The following SAMMSON variants were observed in gnomAD, a reference collection of about 807,000 sequenced individuals.
SAMMSON encodes the protein survival associated mitochondrial melanoma specific oncogenic non-coding RNA, also known as long intergenic non-protein coding RNA 1212.
intron 6 of SAMMSON, among the ~76,000 whole-genome samples, chr3:70,255,884 A>C (rs1701810703): frequency 6.6e-6 from 1 of 152,206 alleles, no homozygotes; most frequent in Non-Finnish European, 1.5e-5. Flanking sequence ...GTTTAGGTGC[A>C]AACTGTGTGG....
chr3:70,110,561 A>G (rs917950157), intron 4 of SAMMSON, among the ~76,000 whole-genome samples: 1 of 152,148 alleles, frequency 6.6e-6, no homozygotes, highest in African/African-American at 2.4e-5. Context: ...TCTCTTTCAG[A>G]GCTGCTATAT....
At chr3:70,268,206 C>T (rs905204305) in intron 6 of SAMMSON, among the ~76,000 whole-genome samples, 2 of 152,148 alleles carry the variant, frequency 1.3e-5, no homozygotes, top group Non-Finnish European at 2.9e-5. Flanking sequence ...CGCGGTAGCT[C>T]ACGCCTGTCA....
intron 4 of SAMMSON, chr3:70,120,311 G>GATT (rs1213845247): frequency 6.6e-6 from 1 of 152,246 alleles, no homozygotes; most frequent in Non-Finnish European, 1.5e-5. Context: ...GGCATTTGGT[G>GATT]ATTAGCATTT....
At chr3:70,111,489 T>C (rs1225006788) in intron 4 of SAMMSON, among the ~76,000 whole-genome samples, 5 of 152,058 alleles carry the variant, frequency 3.3e-5, no homozygotes, top group African/African-American at 1.2e-4. Context: ...CAGAATTGTT[T>C]CCATAATTCA....
intron 3 of SAMMSON, among the ~76,000 whole-genome samples, chr3:70,019,679 G>A (rs1278793116): frequency 1.3e-5 from 2 of 152,110 alleles, no homozygotes; most frequent in African/African-American, 2.4e-5. Flanking sequence ...TCCTAGCATC[G>A]ACGGTCTTTA....
intron 4 of SAMMSON, among the ~76,000 whole-genome samples, chr3:70,130,626 C>G (rs1559520254): frequency 1.3e-5 from 2 of 152,150 alleles, no homozygotes; most frequent in South Asian, 2.1e-4. Flanking sequence ...GCCCTCACTC[C>G]CTCTTGGGAT....
chr3:70,196,029 CT>C (rs1424110707), intron 4 of SAMMSON, among the ~76,000 whole-genome samples: 1 of 152,174 alleles, frequency 6.6e-6, no homozygotes, highest in Non-Finnish European at 1.5e-5. Context: ...ACCCTCAACG[CT>C]TATTTCTTTC....
chr3:70,375,997 G>A (rs547247031), intron 9 of SAMMSON, among the ~76,000 whole-genome samples: 9 of 152,062 alleles, frequency 5.9e-5, no homozygotes, highest in Admixed American at 2.0e-4. Flanking sequence ...TGTTGCTGTC[G>A]TATGATTTCT....
chr3:70,381,484 C>A lies in SAMMSON; in HGVS notation n.914-8090C>A, dbSNP rs111547013. Among the ~76,000 whole-genome samples, 67 of 152,242 alleles carry A rather than the reference C, an allele frequency of 4.4e-4. 3 individuals carry two copies. The highest frequency in any genetic ancestry group is 1.5e-3 in the African/African-American group (63 of 41,542). ...ATTTAAGGGCCAATTTGTAACTTTA[C>A]AAGAGAGATATTAGATTGTTGCTTC... On this transcript the variant is annotated intron_variant and non_coding_transcript_variant, in intron 9 of 9. Transcript: ENST00000642114.
At chr3:70,184,092 C>T (rs1229133323) in intron 4 of SAMMSON, 3 of 152,060 alleles carry the variant, frequency 2.0e-5, no homozygotes, top group East Asian at 3.9e-4. Context: ...TGATTTTCTC[C>T]GAAAAACAAT....
chr3:70,160,600 T>A lies in SAMMSON; in HGVS notation n.508-88507T>A, dbSNP rs544990763. On this transcript the variant is annotated intron_variant and non_coding_transcript_variant, in intron 4 of 9. Transcript: ENST00000642114. ...TGTTGTCTTGATGACTGTAGCTTGG[T>A]AGTAAATTTTGATATGAGTAAGTGA... Among the ~76,000 whole-genome samples the A allele has an allele frequency of 7.2e-5, 11 of 152,194 alleles. No homozygotes were observed. The South Asian group carries it at 1.9e-3, about 26-fold the overall frequency.
At chr3:70,381,690 A>G (rs1703070231) in intron 9 of SAMMSON, among the ~76,000 whole-genome samples, 1 of 152,172 alleles carries the variant, frequency 6.6e-6, no homozygotes, top group East Asian at 1.9e-4. Flanking sequence ...GAGAAAAAAA[A>G]ACAAGTTAAA....
At chr3:70,150,164 T>G (rs2067565577) in intron 4 of SAMMSON, among the ~76,000 whole-genome samples, 1 of 152,106 alleles carries the variant, frequency 6.6e-6, no homozygotes, top group Non-Finnish European at 1.5e-5. Flanking sequence ...GTCTGCCAAG[T>G]AAAGCTTTCT....
chr3:70,309,521 G>A (rs927747306), intron 7 of SAMMSON, among the ~76,000 whole-genome samples: 1 of 152,124 alleles, frequency 6.6e-6, no homozygotes, highest in African/African-American at 2.4e-5. Flanking sequence ...GGAAATTGAG[G>A]CTCAGGGAGA....
intron 7 of SAMMSON, among the ~76,000 whole-genome samples, chr3:70,335,916 GA>G (rs1042307571): frequency 6.7e-6 from 1 of 149,648 alleles, no homozygotes; most frequent in Non-Finnish European, 1.5e-5. Context: ...CCCCATCTTG[GA>G]AAAAAAAAGA....
intron 7 of SAMMSON, among the ~76,000 whole-genome samples, chr3:70,312,328 A>G (rs1422273452): frequency 1.3e-5 from 2 of 152,222 alleles, no homozygotes; most frequent in Admixed American, 6.5e-5. Flanking sequence ...ATAGAAAAGC[A>G]TGCTGCAAAG....
chr3:70,369,215 C>T (rs1308652296), intron 9 of SAMMSON, among the ~76,000 whole-genome samples: 1 of 151,620 alleles, frequency 6.6e-6, no homozygotes, highest in Admixed American at 6.6e-5. Context: ...TGTATATTAA[C>T]GCTGTATCCT....
intron 4 of SAMMSON, among the ~76,000 whole-genome samples, chr3:70,188,282 C>T (rs1267766871): frequency 6.6e-6 from 1 of 152,162 alleles, no homozygotes; most frequent in Non-Finnish European, 1.5e-5. Context: ...TTTCAAGTCT[C>T]CAAGACTCAC....
chr3:70,305,553 T>C (rs2106705148), intron 7 of SAMMSON, among the ~76,000 whole-genome samples: 1 of 152,338 alleles, frequency 6.6e-6, no homozygotes, highest in East Asian at 1.9e-4. Flanking sequence ...CTTAAGTACA[T>C]GAGTTCCTTG....
Sources: gnomAD v4.1 joint callset for allele counts (sites outside exome capture counted in the v4.1 genomes callset) on GRCh38, gnomAD v4.1.1 for gene constraint, MANE v1.5 for transcripts, NCBI Gene and HGNC (gene_info 2026-07-23, HGNC 2026-07-21) for gene names.